The following FRMD4B variants were observed in gnomAD, a reference collection of about 807,000 sequenced individuals.
FRMD4B encodes FERM domain containing 4B.
A neutral mutation model predicts 141.5 loss-of-function variants in FRMD4B; 74 were observed. That is an observed-to-expected ratio of 0.52 (90% CI 0.43 to 0.63). The LOEUF (loss-of-function observed/expected upper bound fraction) is 0.63. Ranked by LOEUF, FRMD4B falls within the 30% of genes least tolerant of loss-of-function variation. The probability of loss-of-function intolerance (pLI) is 0.00; values close to 1 mark genes in which losing one functional copy is unlikely to be tolerated. For synonymous variants in FRMD4B, 506 were observed against 467.9 expected (o/e 1.08, Z -1.05); for missense variants, 1,366 against 1,253.4 (o/e 1.09, Z -1.36).
chr3:69,391,563 T>C (rs1464461982), intron 2 of FRMD4B, among the ~76,000 whole-genome samples: 2 of 152,118 alleles, frequency 1.3e-5, no homozygotes, highest in African/African-American at 2.4e-5. Flanking sequence ...AGAGGCTCCA[T>C]AGTACTAGAA....
chr3:69,419,475 C>T (rs539106436), intron 2 of FRMD4B, among the ~76,000 whole-genome samples: 13 of 152,120 alleles, frequency 8.5e-5, no homozygotes, highest in Admixed American at 2.0e-4. Flanking sequence ...AAGTGAGATT[C>T]TCTTTCCCAA....
At chr3:69,491,850 T>C (rs1047438463) in intron 1 of FRMD4B, among the ~76,000 whole-genome samples, 1 of 152,200 alleles carries the variant, frequency 6.6e-6, no homozygotes, top group Non-Finnish European at 1.5e-5. Flanking sequence ...TCTCCAGGTA[T>C]GAACATTTGA....
chr3:69,217,452 C>T (rs1351848994), intron 10 of FRMD4B, among the ~76,000 whole-genome samples: 2 of 152,024 alleles, frequency 1.3e-5, no homozygotes, highest in East Asian at 3.9e-4. Context: ...GAAACCCCAT[C>T]TCCACTAAAA....
At chr3:69,231,224 T>TG (rs1171775126) in intron 7 of FRMD4B, among the ~76,000 whole-genome samples, 1 of 152,050 alleles carries the variant, frequency 6.6e-6, no homozygotes, top group Non-Finnish European at 1.5e-5. Context: ...CAATATACAG[T>TG]GGGGGGCAGG....
intron 1 of FRMD4B, among the ~76,000 whole-genome samples, chr3:69,440,353 A>G (rs757000221): frequency 2.6e-5 from 4 of 152,244 alleles, no homozygotes; most frequent in Non-Finnish European, 5.9e-5. Context: ...ATCATATAGA[A>G]AGAACCATAT....
chr3:69,289,095 A>C (rs1305197496), intron 4 of FRMD4B, among the ~76,000 whole-genome samples: 4 of 152,216 alleles, frequency 2.6e-5, no homozygotes, highest in Non-Finnish European at 5.9e-5. Context: ...GAGGAGTGTC[A>C]GATTTATGAG....
At chr3:69,351,368 C>T (rs1388123146) in intron 1 of FRMD4B, among the ~76,000 whole-genome samples, 1 of 152,146 alleles carries the variant, frequency 6.6e-6, no homozygotes, top group Non-Finnish European at 1.5e-5. Flanking sequence ...CGAGACAGGC[C>T]TCTGCTGAGA....
intron 5 of FRMD4B, among the ~76,000 whole-genome samples, chr3:69,272,262 G>A (rs1207901363): frequency 3.9e-5 from 6 of 152,102 alleles, no homozygotes. Context: ...CTGTCTCTCA[G>A]CCTCCTGAGT....
chr3:69,465,743 A>G (rs1705772130), intron 1 of FRMD4B, among the ~76,000 whole-genome samples: 1 of 152,126 alleles, frequency 6.6e-6, no homozygotes, highest in Non-Finnish European at 1.5e-5. Context: ...ATGGCTATAT[A>G]GTGTTCCATG....
In FRMD4B at chr3:69,187,851, G is replaced by T. The variant is rs780590235; in HGVS notation, c.1838C>A (p.Pro613His). Residue 613 changes from proline (P) to histidine (H), a missense_variant, in exon 19 of 23, where the codon CCC becomes CAC. Physicochemically the swap from Pro to His is moderately conservative, Grantham distance 77 (BLOSUM62 -2). Transcript: ENST00000398540. ...SSVPHSPRIL[P>H]PKSLGIERIH... Reference sequence around the variant, plus strand: ...TCGCTCAATACCAAGAGACTTGGGGGGAAGAATTCTTGGAGAATGAGGTAC... The same window carrying T: ...TCGCTCAATACCAAGAGACTTGGGGTGAAGAATTCTTGGAGAATGAGGTAC... 5.0e-6 allele frequency: 8 copies of T among 1,610,590 alleles called. No homozygotes were observed. The Admixed American group carries it at 1.3e-4, about 27-fold the overall frequency.
In FRMD4B at chr3:69,348,336, T is replaced by C. The variant is rs532240447; in HGVS notation, c.163-34819A>G. Among the ~76,000 whole-genome samples the C allele has an allele frequency of 5.9e-5, 9 of 152,296 alleles. No individual in the cohort carries two copies. The East Asian group carries it at 9.6e-4, about 16-fold the overall frequency. On this transcript the variant is annotated intron_variant, in intron 1 of 22. Coordinates refer to ENST00000398540, the MANE Select transcript of FRMD4B (RefSeq NM_015123.3). ...ATAAGAGGCTCTGAAATTGAGGCAA[T>C]AATTAATAGCCTACCAACCAAAAAA...
chr3:69,313,380 A>C, intron 2 of FRMD4B, 72 bp downstream of exon 2: 1 of 913,182 alleles, frequency 1.1e-6, no homozygotes, highest in Non-Finnish European at 1.8e-6. Flanking sequence ...AACCAGGATG[A>C]GCTGTCCCCG....
At chr3:69,183,614 C>T (rs904531193) in intron 19 of FRMD4B, among the ~76,000 whole-genome samples, 1 of 150,196 alleles carries the variant, frequency 6.7e-6, no homozygotes, top group Non-Finnish European at 1.5e-5. Flanking sequence ...TCCGGAGTAG[C>T]TGGGACCACA....
intron 1 of FRMD4B, among the ~76,000 whole-genome samples, chr3:69,463,759 G>A (rs548110279): frequency 5.3e-5 from 8 of 152,230 alleles, no homozygotes; most frequent in East Asian, 3.9e-4. Context: ...ATGACTCTAC[G>A]GAAATCCATA....
intron 2 of FRMD4B, among the ~76,000 whole-genome samples, chr3:69,411,051 C>T (rs959181270): frequency 6.6e-6 from 1 of 151,920 alleles, no homozygotes; most frequent in East Asian, 1.9e-4. Context: ...AGATGGCATC[C>T]CTGATTGAAG....
intron 1 of FRMD4B, among the ~76,000 whole-genome samples, chr3:69,500,152 T>C (rs1706467928): frequency 6.6e-6 from 1 of 152,132 alleles, no homozygotes; most frequent in Admixed American, 6.5e-5. Flanking sequence ...GGGTCACCAC[T>C]GTGGTTTGGA....
rs555967871 is a variant in FRMD4B at position 69,333,159 on chromosome 3, C to T, written c.163-19642G>A. On this transcript the variant is annotated intron_variant, in intron 1 of 22. Transcript: ENST00000398540. The stretch of plus-strand genomic sequence containing the variant: ...GGCTCAGCCTGCCAGTCCCTGAAGC[C>T]TTTTATTAGACTGCAGTCAATGAAA... Among the ~76,000 whole-genome samples the T allele has an allele frequency of 4.6e-5, 7 of 151,966 alleles. No individual in the cohort carries two copies. The South Asian group carries it at 1.5e-3, about 32-fold the overall frequency.
At chr3:69,385,731 A>G in intron 1 of FRMD4B, 97 bp downstream of exon 1, 1 of 1,079,400 alleles carries the variant, frequency 9.3e-7, no homozygotes, top group South Asian at 1.9e-5. Context: ...GGAGTTTAAG[A>G]AGAGCTGGGG....
chr3:69,355,405 C>A (rs974710167), intron 1 of FRMD4B, among the ~76,000 whole-genome samples: 1 of 152,170 alleles, frequency 6.6e-6, no homozygotes, highest in African/African-American at 2.4e-5. Flanking sequence ...TATTGTATTA[C>A]TTTATTTGAC....
Sources: gnomAD v4.1 joint callset for allele counts (sites outside exome capture counted in the v4.1 genomes callset) on GRCh38, gnomAD v4.1.1 for gene constraint, MANE v1.5 for transcripts, NCBI Gene and HGNC (gene_info 2026-07-23, HGNC 2026-07-21) for gene names.